Variants in CCNH observed in about 807,000 individuals in gnomAD.
The protein encoded by CCNH is cyclin-H.
CCNH carries 31 observed loss-of-function variants against 41.9 expected under a neutral mutation model. The observed-to-expected ratio is 0.74, with a 90% confidence interval of 0.56 to 1.00. The LOEUF (loss-of-function observed/expected upper bound fraction) is 1.00, where lower values mean the gene tolerates loss of function less well. Ranked by LOEUF, CCNH falls within the 50% of genes least tolerant of loss-of-function variation. The probability of loss-of-function intolerance (pLI) is 0.00; values close to 1 mark genes in which losing one functional copy is unlikely to be tolerated. For missense variants in CCNH, 362 were observed against 388.4 expected, an observed-to-expected ratio of 0.93 and a Z score of 0.57; for synonymous variants, 138 against 136.1, an observed-to-expected ratio of 1.01 and a Z score of -0.10.
chr5:87,371,950 TGTTA>T (rs1760977613), downstream of CCNH, among the ~76,000 whole-genome samples: 1 of 143,278 alleles, frequency 7.0e-6, no homozygotes, highest in Non-Finnish European at 1.6e-5. Flanking sequence ...GTTATGTTAT[TGTTA>T]TTTTATTATT....
the CCNH span, among the ~76,000 whole-genome samples, chr5:87,311,624 C>T: frequency 6.6e-6 from 1 of 152,298 alleles, no homozygotes; most frequent in East Asian, 1.9e-4. Context: ...GCTTAACTGC[C>T]GCTCACAGCA....
chr5:87,377,155 T>C, exon 1 of CCNH: 1 of 1,344,222 alleles, frequency 7.4e-7, no homozygotes, highest in Non-Finnish European at 1.0e-6. Flanking sequence ...GCAAAATAAG[T>C]TATTCTGTTT....
At chr5:87,392,268 GAA>G, downstream of CCNH, 1 of 451,438 alleles carries the variant, frequency 2.2e-6, no homozygotes, top group Non-Finnish European at 4.4e-6. Flanking sequence ...TAAAATACAG[GAA>G]AAAAAAATGC....
At chr5:87,392,427 C>G (rs575216085), downstream of CCNH, 3 of 445,916 alleles carry the variant, frequency 6.7e-6, no homozygotes, top group African/African-American at 2.0e-5. Flanking sequence ...TCCTTGAAAT[C>G]AGCTCAATTC....
intron 9 of CCNH, among the ~76,000 whole-genome samples, chr5:87,334,169 C>T (rs1033271417): frequency 1.3e-5 from 2 of 152,064 alleles, no homozygotes; most frequent in African/African-American, 4.8e-5. Flanking sequence ...CGGCTGTCTG[C>T]AATCTGAAAA....
intron 9 of CCNH, chr5:87,385,174 T>G (rs537397435): frequency 2.8e-6 from 2 of 705,546 alleles, no homozygotes; most frequent in South Asian, 3.2e-5. Context: ...AAAAACATTC[T>G]GAGTTCCGAA....
At chr5:87,403,556 T>G (rs960608018) in intron 5 of CCNH, among the ~76,000 whole-genome samples, 9 of 152,128 alleles carry the variant, frequency 5.9e-5, no homozygotes, top group Non-Finnish European at 1.0e-4. Context: ...GGCAGGAGAC[T>G]ACTCGAGTCT....
In CCNH at chr5:87,383,709, T is replaced by C. The variant is rs201365157; in HGVS notation, c.*90+9061A>G. On this transcript the variant is annotated intron_variant and NMD_transcript_variant, in intron 9 of 9. Coordinates refer to the CCNH transcript ENST00000645953. ...AAAAAAAAAAAAATTTCCCTCCCAT[T>C]CAGTGGTTTTGTTTTTCTTCGACTC... The C allele has an allele frequency of 7.5e-6, 12 of 1,607,078 alleles. No individual in the cohort carries two copies. In the African/African-American group the frequency reaches 1.1e-4, roughly 14 times the overall value.
At chr5:87,409,696 T>C (rs1350735937) in intron 2 of CCNH, among the ~76,000 whole-genome samples, 1 of 151,500 alleles carries the variant, frequency 6.6e-6, no homozygotes, top group East Asian at 1.9e-4. Flanking sequence ...ATGTTCTGAA[T>C]TAGATAAATT....
chr5:87,412,628 G>A (rs1041247529), intron 1 of CCNH, 50 bp downstream of exon 1: 1 of 1,604,926 alleles, frequency 6.2e-7, no homozygotes, highest in Non-Finnish European at 8.5e-7. Context: ...TCCCGCAGCT[G>A]CTCAGAATTT....
chr5:87,392,496 G>GT (rs1762596276), downstream of CCNH: 2 of 375,202 alleles, frequency 5.3e-6, no homozygotes, highest in African/African-American at 2.1e-5. Flanking sequence ...CACCCCTTCT[G>GT]TTTTTTAGCT....
At position 87,405,000 on chromosome 5, in the gene CCNH, T is replaced by G. The variant is rs201911431; in HGVS notation, c.533A>C (p.Tyr178Ser). ...AATCTCTGGATTCTCCAATATGGGA[T>G]AGCGGGTCTACAAAGAAAGTTTGCA... Reference protein sequence around the residue: ...EGFLIDLKTRYPILENPEILR... With the variant: ...EGFLIDLKTRSPILENPEILR... Residue 178 changes from tyrosine (Y) to serine (S), a missense_variant, in exon 5 of 9, where the codon TAT becomes TCT. Coordinates refer to ENST00000256897, the MANE Select transcript of CCNH (RefSeq NM_001239.4). 2.2e-5 allele frequency: 36 copies of G among 1,610,292 alleles called. No individual in the cohort carries two copies. Among genetic ancestry groups the G allele is most frequent in the Non-Finnish European group, 3.1e-5 (36 of 1,178,556 alleles).
intron 9 of CCNH, among the ~76,000 whole-genome samples, chr5:87,334,266 A>T (rs972808292): frequency 2.0e-5 from 3 of 152,192 alleles, no homozygotes; most frequent in African/African-American, 4.8e-5. Flanking sequence ...GTCTGAGGGC[A>T]GGAGAAGATG....
At chr5:87,326,574 T>A (rs1190468791) in intron 9 of CCNH, among the ~76,000 whole-genome samples, 1 of 152,182 alleles carries the variant, frequency 6.6e-6, no homozygotes, top group East Asian at 1.9e-4. Context: ...GAGGGAGATT[T>A]ACTTTTAAAA....
exon 1 of CCNH, chr5:87,377,004 T>A (rs753915358): frequency 6.2e-7 from 1 of 1,613,870 alleles, no homozygotes; most frequent in Non-Finnish European, 8.5e-7. Context: ...ATCGTTGTTG[T>A]TATGCACACT....
chr5:87,393,606 T>C (rs1762681776), downstream of CCNH: 1 of 152,204 alleles, frequency 6.6e-6, no homozygotes, highest in Non-Finnish European at 1.5e-5. Context: ...CTAACATATT[T>C]AATCTGCAAA....
intron 7 of CCNH, among the ~76,000 whole-genome samples, chr5:87,398,032 T>C (rs1166277910): frequency 6.6e-6 from 1 of 152,118 alleles, no homozygotes; most frequent in Non-Finnish European, 1.5e-5. Context: ...TCAAAATCAA[T>C]GCAAAAAGGA....
At chr5:87,391,012 GC>G, downstream of CCNH, 1 of 940,432 alleles carries the variant, frequency 1.1e-6, no homozygotes. Flanking sequence ...TGTGAGCTAT[GC>G]AAACAAAATC....
intron 9 of CCNH, chr5:87,353,009 G>T: frequency 3.2e-6 from 2 of 627,972 alleles, no homozygotes; most frequent in African/African-American, 1.9e-5. Flanking sequence ...TGAATGTTAT[G>T]ATCATTTATT....
Sources: gnomAD v4.1 joint callset for allele counts (sites outside exome capture counted in the v4.1 genomes callset) on GRCh38, gnomAD v4.1.1 for gene constraint, MANE v1.5 for transcripts, NCBI Gene and HGNC (gene_info 2026-07-23, HGNC 2026-07-21) for gene names.